DENND4C: variants seen among roughly 807,000 people sequenced by gnomAD.
DENND4C encodes the protein DENN domain-containing protein 4C.
In DENND4C, 108 loss-of-function variants were observed where a neutral mutation model predicts 203.0. The observed-to-expected ratio is 0.53, with a 90% confidence interval of 0.46 to 0.62. The LOEUF is 0.62. Ranked by LOEUF, DENND4C falls within the 20% of genes least tolerant of loss-of-function variation. The pLI, the probability that DENND4C is intolerant of heterozygous loss-of-function variation, is 0.00. For synonymous variants in DENND4C, 871 were observed against 792.4 expected (o/e 1.10, Z -1.67); for missense variants, 2,481 against 2,301.2 (o/e 1.08, Z -1.60).
intron 12 of DENND4C, among the ~76,000 whole-genome samples, chr9:19,324,134 C>T (rs1412843132): frequency 6.6e-6 from 1 of 151,802 alleles, no homozygotes; most frequent in Non-Finnish European, 1.5e-5. Context: ...TGATTGTGCA[C>T]ATGCAAATAT....
rs1801643501 is a variant in DENND4C, at chr9:19,296,039, C to T, written c.833C>T (p.Pro278Leu). The T allele has an allele frequency of 8.7e-6, 14 of 1,613,804 alleles. No homozygotes were observed. The highest frequency in any genetic ancestry group is 1.1e-5 in the Non-Finnish European group (13 of 1,179,958). Residue 278 changes from proline to leucine, a missense_variant, in exon 6 of 33, where the codon CCT becomes CTT. Physicochemically the swap from Pro to Leu is moderately conservative, Grantham distance 98. Transcript: ENST00000434457. ...GGAGCTGCCATTCAGTTTTATGAAC[C>T]TTACTCTCGGGAACTTCTATCAGAG... is the stretch of plus-strand genomic sequence containing the variant. ...VYGAAIQFYE[P>L]YSRELLSEKQ... is the part of the protein sequence containing the mutation.
At chr9:19,317,574 A>T (rs566487876) in intron 12 of DENND4C, among the ~76,000 whole-genome samples, 14 of 151,894 alleles carry the variant, frequency 9.2e-5, no homozygotes, top group African/African-American at 3.4e-4. Flanking sequence ...TGATTACTTT[A>T]AAAAAAATCT....
chr9:19,288,035 A>G (rs1467368167), intron 3 of DENND4C, among the ~76,000 whole-genome samples: 1 of 152,238 alleles, frequency 6.6e-6, no homozygotes, highest in Non-Finnish European at 1.5e-5. Context: ...CACCCAATCC[A>G]TGCATACTTA....
rs771103501 is a variant in DENND4C at position 19,342,657 on chromosome 9, T to G, written c.3029T>G (p.Val1010Gly). The G allele has an allele frequency of 6.2e-7, 1 of 1,608,870 alleles. No individual in the cohort carries two copies. Among genetic ancestry groups the G allele is most frequent in the South Asian group, 1.1e-5 (1 of 89,878 alleles). The change falls in exon 22 of 33, where the codon GTG becomes GGG. Residue 1010 changes from valine (V) to glycine (G), a missense_variant. By Grantham distance (109) the Val-to-Gly change is moderately radical. Around this residue, in one of 3 missense-constraint regions of DENND4C, gnomAD observed 2,289 missense variants for 2,113.3 expected, o/e 1.08. Coordinates refer to ENST00000434457, the MANE Select transcript of DENND4C (RefSeq NM_001330640.2). Reference protein sequence around the residue: ...TEEVCDASAIVAKHSQPSPEP... With the variant: ...TEEVCDASAIGAKHSQPSPEP... ...GAGGTGTGTGATGCCTCTGCTATTGTGGCAAAACATTCACAACCTAGTCCA... is the reference window on the plus strand; with the variant it reads ...GAGGTGTGTGATGCCTCTGCTATTGGGGCAAAACATTCACAACCTAGTCCA...
intron 10 of DENND4C, among the ~76,000 whole-genome samples, chr9:19,315,993 G>A (rs1841782517): frequency 6.6e-6 from 1 of 152,150 alleles, no homozygotes; most frequent in Non-Finnish European, 1.5e-5. Context: ...ATTTTTAACT[G>A]TGAGGGCTGG....
intron 17 of DENND4C, among the ~76,000 whole-genome samples, chr9:19,334,357 C>G (rs1357424959): frequency 6.6e-6 from 1 of 151,918 alleles, no homozygotes; most frequent in Non-Finnish European, 1.5e-5. Flanking sequence ...GGCCTCTATC[C>G]TTGATTTTAG....
At chr9:19,351,042 C>G (rs529148665) in intron 24 of DENND4C, among the ~76,000 whole-genome samples, 163 bp downstream of exon 24, 3 of 152,012 alleles carry the variant, frequency 2.0e-5, no homozygotes, top group African/African-American at 7.2e-5. Context: ...GGATTACAAG[C>G]GTGAGCCACA....
chr9:19,336,218 T>A, intron 18 of DENND4C, 52 bp from the exon 19 acceptor site: 1 of 1,557,576 alleles, frequency 6.4e-7, no homozygotes, highest in Middle Eastern at 1.7e-4. Flanking sequence ...TATGTATTTT[T>A]AAAATCAGAT....
At chr9:19,267,181 G>T (rs1442228386) in intron 1 of DENND4C, among the ~76,000 whole-genome samples, 2 of 152,168 alleles carry the variant, frequency 1.3e-5, no homozygotes, top group Non-Finnish European at 2.9e-5. Flanking sequence ...ATGTCTGGAA[G>T]ATCTGTCCAG....
intron 26 of DENND4C, among the ~76,000 whole-genome samples, chr9:19,353,134 G>T (rs967182003): frequency 6.6e-6 from 1 of 152,132 alleles, no homozygotes; most frequent in Non-Finnish European, 1.5e-5. Flanking sequence ...CTCTTCTCTT[G>T]TCACTTGCAC....
chr9:19,236,162 A>G (rs1407617959), intron 1 of DENND4C, among the ~76,000 whole-genome samples: 1 of 152,112 alleles, frequency 6.6e-6, no homozygotes, highest in Non-Finnish European at 1.5e-5. Flanking sequence ...TCTATTAAAG[A>G]GGCCCTTTTC....
At chr9:19,251,719 C>G (rs1826647842) in intron 1 of DENND4C, among the ~76,000 whole-genome samples, 1 of 152,190 alleles carries the variant, frequency 6.6e-6, no homozygotes, top group African/African-American at 2.4e-5. Context: ...CAAAGTTCCA[C>G]AAATCTCTAG....
intron 20 of DENND4C, among the ~76,000 whole-genome samples, chr9:19,339,079 C>G (rs1821077587): frequency 6.6e-6 from 1 of 152,010 alleles, no homozygotes; most frequent in South Asian, 2.1e-4. Context: ...ATCTAGATTC[C>G]CTTGTTTTTA....
At chr9:19,240,116 T>C (rs1823297954) in intron 1 of DENND4C, among the ~76,000 whole-genome samples, 1 of 152,200 alleles carries the variant, frequency 6.6e-6, no homozygotes, top group African/African-American at 2.4e-5. Flanking sequence ...TACACAGTCA[T>C]AAGTAATTTA....
At position 19,346,318 on chromosome 9, in the gene DENND4C, A is replaced by G. The variant is rs912998950; in HGVS notation, c.3549A>G (p.Glu1183=). Residue 1183 remains glutamate (E), a synonymous_variant, in exon 23 of 33, where the codon GAA becomes GAG. Coordinates refer to ENST00000434457, the MANE Select transcript of DENND4C (RefSeq NM_001330640.2). ...RSSPVPEMLE[E]SQELLEPVVD... is the part of the protein sequence containing the mutation. ...CTCCGGTGCCAGAGATGCTTGAGGA[A>G]AGCCAAGAACTCCTTGAGCCTGTGG... 4 of 1,614,174 alleles carry G rather than the reference A, an allele frequency of 2.5e-6. No individual in the cohort carries two copies. Among genetic ancestry groups the G allele is most frequent in the East Asian group, 4.5e-5 (2 of 44,890 alleles).
In DENND4C at chr9:19,338,052, A is replaced by G. The variant is rs75202244; in HGVS notation, c.2881+1220A>G. ...TTCTTGTGCTAAAAACAACCTTCAC[A>G]TAATTACAGGAGCATGTGTAAATTT... is the stretch of plus-strand genomic sequence containing the variant. On this transcript the variant is annotated intron_variant, in intron 20 of 32. Transcript: ENST00000434457. 7.4e-3 allele frequency among the ~76,000 whole-genome samples: 1,125 copies of G among 152,314 alleles called. 17 individuals carry two copies. Among genetic ancestry groups the G allele is most frequent in the African/African-American group, 0.026 (1,088 of 41,564 alleles).
intron 5 of DENND4C, among the ~76,000 whole-genome samples, chr9:19,295,102 T>C (rs890441158): frequency 1.3e-5 from 2 of 152,210 alleles, no homozygotes; most frequent in African/African-American, 4.8e-5. Flanking sequence ...CCGGGTGCAG[T>C]GGCTCATGCC....
chr9:19,341,520 G>A (rs1250722743), intron 21 of DENND4C, among the ~76,000 whole-genome samples: 3 of 151,550 alleles, frequency 2.0e-5, no homozygotes, highest in Non-Finnish European at 4.4e-5. Flanking sequence ...ATGTTGCCCC[G>A]GCTAGTCTTG....
intron 1 of DENND4C, among the ~76,000 whole-genome samples, chr9:19,232,992 A>C (rs756523400): frequency 1.3e-5 from 2 of 151,828 alleles, no homozygotes; most frequent in African/African-American, 4.8e-5. Context: ...TTTGAAAGCT[A>C]GGGGAATCTC....
Sources: gnomAD v4.1 joint callset for allele counts (sites outside exome capture counted in the v4.1 genomes callset) on GRCh38, gnomAD v4.1.1 for gene constraint, gnomAD v4.1.1 regional missense constraint, MANE v1.5 for transcripts, NCBI Gene and HGNC (gene_info 2026-07-23, HGNC 2026-07-21) for gene names.